NBEAL1: variants seen among roughly 807,000 people sequenced by gnomAD.
NBEAL1 encodes neurobeachin like 1, also known as neurobeachin-like protein 1.
In NBEAL1, 273 loss-of-function variants were observed where a neutral mutation model predicts 351.3. The ratio of observed to expected loss-of-function variants is 0.78; its 90% CI spans 0.70 to 0.86. NBEAL1 has a LOEUF of 0.86. Among genes scored for constraint, NBEAL1 ranks in the 40% least tolerant of loss-of-function variants. NBEAL1 has a pLI of 0.00. For synonymous variants in NBEAL1, 1,050 were observed against 1,086.4 expected, an observed-to-expected ratio of 0.97 and a Z score of 0.66; for missense variants, 2,961 against 3,201.3, an observed-to-expected ratio of 0.92 and a Z score of 1.81.
At chr2:203,128,153 C>T (rs12987911) in intron 24 of NBEAL1, among the ~76,000 whole-genome samples, 5 of 151,098 alleles carry the variant, frequency 3.3e-5, no homozygotes, top group African/African-American at 9.7e-5. Context: ...GGCACGATCT[C>T]GACTCACTGC....
intron 45 of NBEAL1, among the ~76,000 whole-genome samples, chr2:203,189,340 G>A (rs1393611619): frequency 1.3e-5 from 2 of 152,086 alleles, no homozygotes; most frequent in East Asian, 3.8e-4. Context: ...AAACAATTAG[G>A]TGTACTCTGA....
intron 35 of NBEAL1, among the ~76,000 whole-genome samples, chr2:203,151,865 T>C (rs750292872): frequency 3.0e-4 from 45 of 152,210 alleles, no homozygotes; most frequent in Non-Finnish European, 5.9e-4. Flanking sequence ...TCTCTTGCAA[T>C]GAAACAATGT....
At chr2:203,134,441 G>T (rs1408070505) in intron 27 of NBEAL1, among the ~76,000 whole-genome samples, 1 of 152,126 alleles carries the variant, frequency 6.6e-6, no homozygotes, top group African/African-American at 2.4e-5. Context: ...AATAAAGAAA[G>T]AATCTTCACG....
intron 19 of NBEAL1, among the ~76,000 whole-genome samples, chr2:203,123,407 A>G (rs1211138514): frequency 6.8e-6 from 1 of 147,052 alleles, no homozygotes; most frequent in Non-Finnish European, 1.5e-5. Context: ...ATCTCGGCTC[A>G]CTACAACCTC....
Position 203,122,240 on chromosome 2 carries a change from T to C in NBEAL1, c.2593-14T>C. On this transcript the variant is annotated splice_polypyrimidine_tract_variant and intron_variant, in intron 18 of 55. Transcript: ENST00000683969. ...TCTAATTGGTTGTTTGCCATATTTT[T>C]CTTTTATTCTTAGGCCTGCAAAAAT... The C allele has an allele frequency of 6.9e-7, 1 of 1,452,594 alleles. No individual in the cohort carries two copies. Among genetic ancestry groups the C allele is most frequent in the South Asian group, 1.3e-5 (1 of 75,660 alleles). 90.0% of individuals were successfully genotyped at this position (1,452,594 alleles called of 1,614,324 possible). A position where few individuals can be genotyped will look rare whatever the true frequency, so the allele number is the denominator to read the frequency against.
rs1163302464 is a variant in NBEAL1, at chr2:203,133,093, G to GTA, written c.3768_3769dup (p.Ser1257TyrfsTer7). On this transcript the variant is annotated frameshift_variant, in exon 27 of 56. Transcript: ENST00000683969. LOFTEE classifies it high-confidence loss of function. ...TAATTTCAAAGATCTACTATCTGTG[G>GTA]TATATATATCTCACAGAGCACATAT... 5 of 1,515,586 alleles carry GTA rather than the reference G, an allele frequency of 3.3e-6. No homozygotes were observed. In the Admixed American group the frequency reaches 6.2e-5, roughly 19 times the overall value. 93.9% of individuals were successfully genotyped at this position (1,515,586 alleles called of 1,614,324 possible).
intron 18 of NBEAL1, among the ~76,000 whole-genome samples, chr2:203,117,261 G>A (rs1574993891): frequency 6.6e-6 from 1 of 152,034 alleles, no homozygotes; most frequent in South Asian, 2.1e-4. Context: ...TTAGGAGATC[G>A]AGACCATCCT....
chr2:203,157,107 G>A (rs1452020460), intron 35 of NBEAL1, among the ~76,000 whole-genome samples: 2 of 152,030 alleles, frequency 1.3e-5, no homozygotes, highest in East Asian at 3.9e-4. Flanking sequence ...TTGAGTCTAG[G>A]TTCACCACTT....
intron 51 of NBEAL1, among the ~76,000 whole-genome samples, chr2:203,205,969 G>A (rs919997910): frequency 2.0e-5 from 3 of 152,182 alleles, no homozygotes. Context: ...AGTTGTCTAG[G>A]ATAATCACAA....
intron 16 of NBEAL1, 124 bp downstream of exon 16, chr2:203,112,222 G>T: frequency 4.3e-6 from 4 of 922,492 alleles, no homozygotes; most frequent in Non-Finnish European, 6.2e-6. Context: ...TGTTTTCTAT[G>T]TAGTAAGACT....
chr2:203,193,957 T>C, intron 47 of NBEAL1, 46 bp downstream of exon 47: 2 of 1,098,844 alleles, frequency 1.8e-6, no homozygotes, highest in Non-Finnish European at 2.7e-6. Context: ...CTCTAAATTC[T>C]GTACATTTTA....
At position 203,175,165 on chromosome 2, in the gene NBEAL1, T is replaced by C. The variant is rs1407498064; in HGVS notation, c.6342T>C (p.Asp2114=). The change falls in exon 42 of 56, where the codon GAT becomes GAC. Residue 2114 remains aspartate (D), a synonymous_variant. Transcript: ENST00000683969. The part of the protein sequence containing the change: ...AMREKYENFE[D]PMGTIDKFHY... ...CCCACAGATATGAAAATTTTGAGGATCCTATGGGAACTATTGATAAGTTTC... is the reference window on the plus strand; with the variant it reads ...CCCACAGATATGAAAATTTTGAGGACCCTATGGGAACTATTGATAAGTTTC... The C allele has an allele frequency of 6.2e-7, 1 of 1,610,994 alleles. No individual in the cohort carries two copies. The highest frequency in any genetic ancestry group is 1.7e-5 in the Admixed American group (1 of 59,556).
At chr2:203,074,649 A>G (rs1467294038) in intron 7 of NBEAL1, 1 of 152,448 alleles carries the variant, frequency 6.6e-6, no homozygotes, top group Non-Finnish European at 1.5e-5. Context: ...TATGGTGAAA[A>G]AAGTGTCTAT....
chr2:203,053,737 C>CT (rs2061360944), intron 4 of NBEAL1, among the ~76,000 whole-genome samples: 1 of 151,964 alleles, frequency 6.6e-6, no homozygotes, highest in African/African-American at 2.4e-5. Context: ...AGGCTGGTCT[C>CT]TAACTCCTGG....
chr2:203,171,551 G>A (rs1239575800), intron 39 of NBEAL1, among the ~76,000 whole-genome samples: 1 of 152,088 alleles, frequency 6.6e-6, no homozygotes, highest in Non-Finnish European at 1.5e-5. Context: ...GCTGTAATGA[G>A]CTGTGATTGC....
chr2:203,041,696 A>T, intron 2 of NBEAL1, 69 bp from the exon 3 acceptor site: 1 of 978,498 alleles, frequency 1.0e-6, no homozygotes, highest in Non-Finnish European at 1.6e-6. Context: ...GTATCTGCTT[A>T]ATAGGTGTAG....
At chr2:203,091,380 A>G (rs1353853794) in intron 10 of NBEAL1, among the ~76,000 whole-genome samples, 2 of 152,172 alleles carry the variant, frequency 1.3e-5, no homozygotes, top group African/African-American at 2.4e-5. Context: ...TTATTCATCC[A>G]TCAGTGGACA....
intron 2 of NBEAL1, among the ~76,000 whole-genome samples, chr2:203,028,562 A>G (rs1197803780): frequency 6.6e-6 from 1 of 151,570 alleles, no homozygotes; most frequent in Non-Finnish European, 1.5e-5. Flanking sequence ...TCAACTTGAC[A>G]TGAAACTTGA....
intron 12 of NBEAL1, among the ~76,000 whole-genome samples, chr2:203,103,712 C>T (rs1456087682): frequency 1.3e-5 from 2 of 152,118 alleles, no homozygotes; most frequent in African/African-American, 4.8e-5. Context: ...GTTGGATTTG[C>T]AGTCTTTCTA....
Sources: allele counts gnomAD v4.1 joint callset (sites outside exome capture counted in the v4.1 genomes callset), GRCh38; gene constraint gnomAD v4.1.1; transcripts MANE v1.5; gene names NCBI Gene and HGNC (gene_info 2026-07-23, HGNC 2026-07-21).